Variants in ADAMTSL1 observed in about 807,000 individuals in gnomAD.
ADAMTSL1 encodes the protein ADAMTS-like protein 1.
Under a neutral mutation model 201.8 loss-of-function variants are expected in ADAMTSL1, and 126 were observed. The observed-to-expected ratio is 0.62, with a 90% CI of 0.54 to 0.72. The LOEUF (loss-of-function observed/expected upper bound fraction) is 0.72, where lower values mean the gene tolerates loss of function less well. Among genes scored for constraint, ADAMTSL1 ranks in the 30% least tolerant of loss-of-function variants. The pLI is 0.00. For missense variants in ADAMTSL1, 2,679 were observed against 2,277.8 expected (o/e 1.18, Z -3.59); for synonymous variants, 1,121 against 903.4 (o/e 1.24, Z -4.32).
chr9:17,914,745 G>T lies in ADAMTSL1; in HGVS notation c.87+7823G>T, dbSNP rs575733319. 5.3e-5 allele frequency among the ~76,000 whole-genome samples: 8 copies of T among 152,108 alleles called. No homozygotes were observed. The South Asian group carries it at 1.5e-3, about 28-fold the overall frequency. ...GGAAGTCAAATTGTCCCTGTTTGCA[G>T]ATGACATGATTGTATATCTAGAAAA... On this transcript the variant is annotated intron_variant, in intron 1 of 29. Transcript: ENST00000680146.
chr9:18,299,566 C>T (rs1018774518), intron 2 of ADAMTSL1, among the ~76,000 whole-genome samples: 1 of 152,172 alleles, frequency 6.6e-6, no homozygotes, highest in Non-Finnish European at 1.5e-5. Flanking sequence ...TTATTTACGA[C>T]TCCTGCCGTG....
At chr9:18,725,599 T>A (rs533004783) in intron 15 of ADAMTSL1, among the ~76,000 whole-genome samples, 25 of 152,306 alleles carry the variant, frequency 1.6e-4, no homozygotes, top group Admixed American at 4.6e-4. Context: ...ATCAGCCTCC[T>A]ATTCCTAATA....
intron 23 of ADAMTSL1, among the ~76,000 whole-genome samples, chr9:18,835,559 T>C (rs376866404): frequency 4.6e-5 from 7 of 152,164 alleles, no homozygotes; most frequent in South Asian, 4.1e-4. Flanking sequence ...GTGTGTTACA[T>C]GGGTATATTT....
At chr9:18,056,771 C>T (rs1490918899) in intron 1 of ADAMTSL1, among the ~76,000 whole-genome samples, 2 of 152,160 alleles carry the variant, frequency 1.3e-5, no homozygotes, top group Admixed American at 6.5e-5. Context: ...TTCCCCAGCG[C>T]ATTCTCTAGA....
intron 2 of ADAMTSL1, among the ~76,000 whole-genome samples, chr9:18,193,944 T>C (rs72701543): frequency 0.033 from 4,968 of 152,266 alleles, 118 homozygotes; most frequent in Non-Finnish European, 0.053. Context: ...ACTGTATACA[T>C]ATACTAATTT....
At chr9:18,128,390 C>G (rs144586300) in intron 1 of ADAMTSL1, among the ~76,000 whole-genome samples, 2 of 152,234 alleles carry the variant, frequency 1.3e-5, no homozygotes, top group African/African-American at 2.4e-5. Flanking sequence ...GAGACAGGGT[C>G]TCACTCCTGC....
rs527510209 is a variant in ADAMTSL1, at chr9:18,721,447, C to T, written c.1877-89C>T. 3.2e-6 allele frequency: 5 copies of T among 1,542,972 alleles called. No homozygotes were observed. In the East Asian group the frequency reaches 6.8e-5, roughly 21 times the overall value. On this transcript the variant is annotated intron_variant, in intron 14 of 28. Coordinates refer to ENST00000380548, the MANE Select transcript of ADAMTSL1 (RefSeq NM_001040272.6). ...GCGAGAGTCCTACAGAACACAGGGA[C>T]CTCCCACCAGCTGCCTTGTCTACAC...
intron 3 of ADAMTSL1, among the ~76,000 whole-genome samples, chr9:18,538,785 A>G (rs1819952624): frequency 1.3e-5 from 2 of 152,084 alleles, no homozygotes; most frequent in African/African-American, 4.8e-5. Flanking sequence ...CTATTTGTCT[A>G]TTTTTCTCAT....
At chr9:18,006,620 T>C (rs896893315) in intron 1 of ADAMTSL1, among the ~76,000 whole-genome samples, 5 of 151,990 alleles carry the variant, frequency 3.3e-5, no homozygotes, top group Admixed American at 3.3e-4. Context: ...ATATATCCCA[T>C]GGTCTCTCTT....
At chr9:18,301,113 T>G (rs1244456613) in intron 2 of ADAMTSL1, among the ~76,000 whole-genome samples, 1 of 152,220 alleles carries the variant, frequency 6.6e-6, no homozygotes, top group Non-Finnish European at 1.5e-5. Context: ...GAAACTTATT[T>G]CATCAATCCA....
chr9:18,488,886 G>A (rs983279407), intron 1 of ADAMTSL1, among the ~76,000 whole-genome samples: 2 of 152,064 alleles, frequency 1.3e-5, no homozygotes, highest in Non-Finnish European at 2.9e-5. Flanking sequence ...GAATTTGTGG[G>A]GTCTGGAGCA....
intron 2 of ADAMTSL1, among the ~76,000 whole-genome samples, chr9:18,187,600 ATTAT>A (rs1334700301): frequency 2.0e-5 from 3 of 152,134 alleles, no homozygotes; most frequent in Non-Finnish European, 4.4e-5. Context: ...AGGAAGCCAG[ATTAT>A]TTATTTGGGT....
chr9:18,067,380 A>G (rs1478776855), intron 1 of ADAMTSL1, among the ~76,000 whole-genome samples: 1 of 108,700 alleles, frequency 9.2e-6, no homozygotes, highest in African/African-American at 2.6e-5. Flanking sequence ...ACATTAGCAG[A>G]TACTCCTCTT....
intron 2 of ADAMTSL1, among the ~76,000 whole-genome samples, chr9:18,331,583 G>C (rs926541668): frequency 1.3e-4 from 20 of 152,174 alleles, no homozygotes; most frequent in Non-Finnish European, 2.1e-4. Flanking sequence ...AATTATTGAA[G>C]TCCCTGTACT....
In ADAMTSL1 at chr9:18,694,004, A is replaced by C. The variant is rs142808784; in HGVS notation, c.1574+9204A>C. On this transcript the variant is annotated intron_variant, in intron 13 of 28. Coordinates refer to ENST00000380548, the MANE Select transcript of ADAMTSL1 (RefSeq NM_001040272.6). ...GAAGCAGAGCTGGGGAGGTCTCAGG[A>C]AACTTATAATCATGGCAGAAGGAGA... 3.4e-4 allele frequency among the ~76,000 whole-genome samples: 52 copies of C among 152,298 alleles called. No individual in the cohort carries two copies. In the East Asian group the frequency reaches 8.5e-3, roughly 25 times the overall value.
At chr9:18,550,762 T>C (rs1452943213) in intron 3 of ADAMTSL1, among the ~76,000 whole-genome samples, 5 of 151,894 alleles carry the variant, frequency 3.3e-5, no homozygotes, top group Admixed American at 2.0e-4. Context: ...ATGATAAATG[T>C]TTATGGCAGC....
chr9:18,600,993 C>T (rs1327850323), intron 4 of ADAMTSL1, among the ~76,000 whole-genome samples: 2 of 152,156 alleles, frequency 1.3e-5, no homozygotes, highest in Non-Finnish European at 2.9e-5. Flanking sequence ...CTATTGGTTT[C>T]CTTCAGCATT....
At chr9:18,280,674 A>G (rs1175597657) in intron 2 of ADAMTSL1, among the ~76,000 whole-genome samples, 1 of 152,192 alleles carries the variant, frequency 6.6e-6, no homozygotes, top group Non-Finnish European at 1.5e-5. Context: ...GGCATTATAA[A>G]TAAATTTTAA....
At chr9:18,115,260 A>G (rs907222550) in intron 1 of ADAMTSL1, among the ~76,000 whole-genome samples, 9 of 152,112 alleles carry the variant, frequency 5.9e-5, no homozygotes, top group Non-Finnish European at 1.0e-4. Context: ...CGTCAAGGTG[A>G]TGAAAAATAA....
Sources: allele counts gnomAD v4.1 joint callset (sites outside exome capture counted in the v4.1 genomes callset), GRCh38; gene constraint gnomAD v4.1.1; transcripts MANE v1.5; gene names NCBI Gene and HGNC (gene_info 2026-07-23, HGNC 2026-07-21).